The following SLC38A3 variants were observed in gnomAD, a reference collection of about 807,000 sequenced individuals.
SLC38A3 encodes sodium-coupled neutral amino acid transporter 3.
Under a neutral mutation model 59.5 loss-of-function variants are expected in SLC38A3, and 17 were observed. That is an observed-to-expected ratio of 0.29 (90% confidence interval 0.20 to 0.43). SLC38A3 has a LOEUF of 0.43. Ranked by LOEUF, SLC38A3 falls within the 20% of genes least tolerant of loss-of-function variation. SLC38A3 has a pLI of 1.00. For missense variants in SLC38A3, 454 were observed against 653.9 expected, an observed-to-expected ratio of 0.69 and a Z score of 3.33; for synonymous variants, 238 against 260.3, an observed-to-expected ratio of 0.91 and a Z score of 0.82.
intron 1 of SLC38A3, among the ~76,000 whole-genome samples, chr3:50,209,831 GTTCTCT>G (rs1699699398): frequency 6.6e-6 from 1 of 152,078 alleles, no homozygotes; most frequent in South Asian, 2.1e-4. Context: ...CGGTAGTTCA[GTTCTCT>G]GGGCCATCTG....
In SLC38A3 at chr3:50,218,813, G is replaced by A. The variant is rs1344913448; in HGVS notation, c.1171G>A (p.Ala391Thr). ...CTCACCTGCCCCCCAGGTGCGCCGC[G>A]CCATCCAGCAGATGCTGTTTCCAAA... ...VPIVLFPVRRAIQQMLFPNQE... is the reference protein window; with the variant it reads ...VPIVLFPVRRTIQQMLFPNQE... The change falls in exon 14 of 16, where the codon GCC (alanine) becomes ACC (threonine). Residue 391 changes from alanine to threonine, a missense_variant. Ala to Thr is a moderately conservative substitution (Grantham distance 58). This residue lies in a region of SLC38A3 where 390 missense variants were observed against 557.9 expected (regional missense o/e 0.70). Transcript: ENST00000614032. The surrounding 1 kb of genome is among the most constrained non-coding windows in gnomAD (Gnocchi z 5.8). 5 of 1,607,610 alleles carry A rather than the reference G, an allele frequency of 3.1e-6. No individual in the cohort carries two copies. The highest frequency in any genetic ancestry group is 1.1e-5 in the South Asian group (1 of 91,002).
chr3:50,220,024 A>G (rs1216495834), intron 15 of SLC38A3, 40 bp downstream of exon 15: 7 of 1,602,366 alleles, frequency 4.4e-6, no homozygotes, highest in Middle Eastern at 1.6e-4. Context: ...GTATGGGGCT[A>G]AGGGAACTGC....
rs765148889 is a variant in SLC38A3 at position 50,211,568 on chromosome 3, C to CTTTTTT, written c.-51-2559_-51-2554dup. On this transcript the variant is annotated intron_variant, in intron 1 of 15. Coordinates refer to ENST00000614032, the MANE Select transcript of SLC38A3 (RefSeq NM_006841.6). ...GGAAGTCTTCCTTGATGCCCCCATC[C>CTTTTTT]TTTTTTTTTTTTTTTTTTTTTTTTT... is the stretch of plus-strand genomic sequence containing the variant. 2.0e-3 allele frequency among the ~76,000 whole-genome samples: 163 copies of CTTTTTT among 81,228 alleles called. 5 individuals are homozygous for CTTTTTT. The highest frequency in any genetic ancestry group is 8.4e-3 in the East Asian group (15 of 1,782). The allele number at this position is 81,228 out of a possible 152,430, so 53.3% of individuals were successfully genotyped here. A position where few individuals can be genotyped will look rare whatever the true frequency, so the allele number is the denominator to read the frequency against.
At chr3:50,211,165 T>A (rs1699721355) in intron 1 of SLC38A3, among the ~76,000 whole-genome samples, 1 of 152,110 alleles carries the variant, frequency 6.6e-6, no homozygotes, top group Admixed American at 6.5e-5. Context: ...CTTCCCTGAG[T>A]TTACCCCGAT....
At chr3:50,206,224 G>A (rs1474173614) in intron 1 of SLC38A3, among the ~76,000 whole-genome samples, 1 of 152,258 alleles carries the variant, frequency 6.6e-6, no homozygotes, top group African/African-American at 2.4e-5. Context: ...TTCCCCCCAC[G>A]GGGACCTGAG....
chr3:50,214,715 C>T lies in SLC38A3; in HGVS notation c.246C>T (p.Ser82=), dbSNP rs1184411931. ...ACCTCAGCAATGCCATCATGGGCAG[C>T]GGCATCCTGGGACTCGCCTATGCCA... ...VFNLSNAIMG[S]GILGLAYAMA... is the part of the protein sequence containing the mutation. Residue 82 remains serine (S), a synonymous_variant, in exon 4 of 16, where the codon AGC becomes AGT. Coordinates refer to ENST00000614032, the MANE Select transcript of SLC38A3 (RefSeq NM_006841.6). This position sits in a 1 kb window ranked among gnomAD's most constrained non-coding sequence, Gnocchi z 6.0. 6 of 1,613,450 alleles carry T rather than the reference C, an allele frequency of 3.7e-6. No individual in the cohort carries two copies. Among genetic ancestry groups the T allele is most frequent in the Admixed American group, 1.7e-5 (1 of 59,932 alleles).
Position 50,218,826 on chromosome 3 carries a change from T to C in SLC38A3, c.1184T>C (p.Met395Thr), listed in dbSNP as rs747847308. The change falls in exon 14 of 16, where the codon ATG becomes ACG. Residue 395 changes from methionine to threonine, a missense_variant. Transcript: ENST00000614032. This position sits in a 1 kb window ranked among gnomAD's most constrained non-coding sequence, Gnocchi z 5.8. ...LFPVRRAIQQ[M>T]LFPNQEFSWL... ...CAGGTGCGCCGCGCCATCCAGCAGATGCTGTTTCCAAACCAGGAGTTCAGC... is the reference window on the plus strand; with the variant it reads ...CAGGTGCGCCGCGCCATCCAGCAGACGCTGTTTCCAAACCAGGAGTTCAGC... The C allele has an allele frequency of 6.2e-7, 1 of 1,611,996 alleles. No individual in the cohort carries two copies. The highest frequency in any genetic ancestry group is 1.1e-5 in the South Asian group (1 of 91,064).
chr3:50,215,422 C>T lies in SLC38A3; in HGVS notation c.336C>T (p.Tyr112=), dbSNP rs1198451194. Residue 112 remains tyrosine (Y), a synonymous_variant, in exon 5 of 16, where the codon TAC becomes TAT. Coordinates refer to ENST00000614032, the MANE Select transcript of SLC38A3 (RefSeq NM_006841.6). The surrounding 1 kb of genome is among the most constrained non-coding windows in gnomAD (Gnocchi z 7.1). ...LLTAVALLSS[Y]SIHLLLKSSG... ...CAGCTGTCGCCTTGCTCTCCAGCTA[C>T]TCCATCCACCTGCTACTCAAGTCCT... 4 of 1,613,904 alleles carry T rather than the reference C, an allele frequency of 2.5e-6. No homozygotes were observed. Among genetic ancestry groups the T allele is most frequent in the Non-Finnish European group, 2.5e-6 (3 of 1,179,882 alleles).
At position 50,218,055 on chromosome 3, in the gene SLC38A3, G is replaced by C; in HGVS notation, c.935+59G>C. On this transcript the variant is annotated intron_variant, in intron 11 of 15. Coordinates refer to ENST00000614032, the MANE Select transcript of SLC38A3 (RefSeq NM_006841.6). This position sits in a 1 kb window ranked among gnomAD's most constrained non-coding sequence, Gnocchi z 5.8. ...TGCCCTGAGCTGGTTTGGGGAGAAT[G>C]GATGTGGTCCTGAATGTGGAGAGGG... 6.5e-7 allele frequency: 1 copy of C among 1,528,242 alleles called. No homozygotes were observed. The highest frequency in any genetic ancestry group is 9.0e-7 in the Non-Finnish European group (1 of 1,106,348). 94.7% of individuals were successfully genotyped at this position (1,528,242 alleles called of 1,614,324 possible).
chr3:50,218,730 G>A lies in SLC38A3; in HGVS notation c.1161+13G>A, dbSNP rs754104681. The A allele has an allele frequency of 6.2e-7, 1 of 1,603,372 alleles. No homozygotes were observed. The highest frequency in any genetic ancestry group is 8.5e-7 in the Non-Finnish European group (1 of 1,170,912). On this transcript the variant is annotated intron_variant, in intron 13 of 15. Coordinates refer to ENST00000614032, the MANE Select transcript of SLC38A3 (RefSeq NM_006841.6). This position sits in a 1 kb window ranked among gnomAD's most constrained non-coding sequence, Gnocchi z 5.8. ...CGTTCTGTTCCCGGTGAGCTGGTGG[G>A]CAGGTGGCTAGACTAGTGGCGGGAG...
At chr3:50,208,321 G>T (rs1400996803) in intron 1 of SLC38A3, among the ~76,000 whole-genome samples, 3 of 150,636 alleles carry the variant, frequency 2.0e-5, no homozygotes, top group African/African-American at 7.3e-5. Context: ...GGAGTGCAGC[G>T]GCGTGATCTT....
chr3:50,209,090 C>T (rs1209349798), intron 1 of SLC38A3, among the ~76,000 whole-genome samples: 1 of 152,224 alleles, frequency 6.6e-6, no homozygotes, highest in African/African-American at 2.4e-5. Context: ...GGCTGGCTGG[C>T]GCAGGGTCTC....
chr3:50,210,163 C>T (rs1699703972), intron 1 of SLC38A3, among the ~76,000 whole-genome samples: 1 of 152,170 alleles, frequency 6.6e-6, no homozygotes, highest in East Asian at 1.9e-4. Flanking sequence ...CATCTTCCCT[C>T]TGAAGCCTGG....
At position 50,220,444 on chromosome 3, in the gene SLC38A3, G is replaced by A; in HGVS notation, c.*267G>A. On this transcript the variant is annotated 3_prime_UTR_variant, in exon 16 of 16. Transcript: ENST00000614032. ...GGCTGTCGCCTTAGATCCCGCCCAA[G>A]CCCCTCATTCCCTCCTTGCACAGAT... is the stretch of plus-strand genomic sequence containing the variant. 2 of 487,380 alleles carry A rather than the reference G, an allele frequency of 4.1e-6. No homozygotes were observed. The highest frequency in any genetic ancestry group is 3.7e-5 in the East Asian group (1 of 26,702). The allele number at this position is 487,380 out of a possible 1,614,324, so 30.2% of individuals were successfully genotyped here. A position where few individuals can be genotyped will look rare whatever the true frequency, so the allele number is the denominator to read the frequency against.
intron 1 of SLC38A3, among the ~76,000 whole-genome samples, chr3:50,206,420 C>T (rs1158840044): frequency 6.6e-6 from 1 of 152,276 alleles, no homozygotes; most frequent in African/African-American, 2.4e-5. Flanking sequence ...GCCCTTGGAC[C>T]TTTCACCCCT....
chr3:50,218,262 C>T lies in SLC38A3; in HGVS notation c.936-8C>T. ...GTCACCAACACCCACCCCCCCACTT[C>T]CCCACAGCCCCTCCAAGAAGAAGAT... On this transcript the variant is annotated splice_region_variant and splice_polypyrimidine_tract_variant and intron_variant, in intron 11 of 15. Transcript: ENST00000614032. The surrounding 1 kb of genome is among the most constrained non-coding windows in gnomAD (Gnocchi z 5.8). 1 of 1,254,458 alleles carries T rather than the reference C, an allele frequency of 8.0e-7. No individual in the cohort carries two copies. The highest frequency in any genetic ancestry group is 1.2e-6 in the Non-Finnish European group (1 of 853,584). The allele number at this position is 1,254,458 out of a possible 1,614,324, so 77.7% of individuals were successfully genotyped here. A position where few individuals can be genotyped will look rare whatever the true frequency, so the allele number is the denominator to read the frequency against.
rs1385875776 is a variant in SLC38A3 at position 50,215,998 on chromosome 3, ACACT to A, written c.548+182_548+185del. On this transcript the variant is annotated intron_variant, in intron 7 of 15. Transcript: ENST00000614032. The surrounding 1 kb of genome is among the most constrained non-coding windows in gnomAD (Gnocchi z 7.1). ...TGCCCGCAGAGCCAGCATTCAGTTC[ACACT>A]CACTTGGGAAGCACCTTGGAGACCC... 6.6e-6 allele frequency among the ~76,000 whole-genome samples: 1 copy of A among 152,102 alleles called. No individual in the cohort carries two copies. The highest frequency in any genetic ancestry group is 1.5e-5 in the Non-Finnish European group (1 of 68,022).
chr3:50,215,186 G>T lies in SLC38A3; in HGVS notation c.300-200G>T. The T allele has an allele frequency of 1.7e-6, 1 of 600,758 alleles. No homozygotes were observed. The highest frequency in any genetic ancestry group is 3.0e-6 in the Non-Finnish European group (1 of 336,848). The allele number at this position is 600,758 out of a possible 1,614,324, so 37.2% of individuals were successfully genotyped here. ...CTCTTGACCCAGAGGGCCCCTTCTG[G>T]GGTGTGTCGCACCCTGGATCAAAGG... On this transcript the variant is annotated intron_variant, in intron 4 of 15. Transcript: ENST00000614032. This position sits in a 1 kb window ranked among gnomAD's most constrained non-coding sequence, Gnocchi z 7.1.
At chr3:50,208,178 C>T (rs887159646) in intron 1 of SLC38A3, among the ~76,000 whole-genome samples, 2 of 152,170 alleles carry the variant, frequency 1.3e-5, no homozygotes, top group Admixed American at 6.5e-5. Flanking sequence ...GCCCATTGGG[C>T]CTACTGCCCC....
Sources: allele counts gnomAD v4.1 joint callset (sites outside exome capture counted in the v4.1 genomes callset), GRCh38; gene constraint gnomAD v4.1.1; regional missense constraint gnomAD v4.1.1; non-coding constraint Gnocchi (gnomAD v3.1); transcripts MANE v1.5; gene names NCBI Gene and HGNC (gene_info 2026-07-23, HGNC 2026-07-21).